Variants in FHIT observed in about 807,000 individuals in gnomAD.
FHIT encodes bis(5'-adenosyl)-triphosphatase.
FHIT carries 19 observed loss-of-function variants against 17.9 expected under a neutral mutation model. That is an observed-to-expected ratio of 1.06 (90% CI 0.74 to 1.56). FHIT has a LOEUF of 1.56. FHIT is among the 40% of genes most tolerant of loss of function. FHIT has a pLI of 0.00. For synonymous variants in FHIT, 81 were observed against 69.7 expected, an observed-to-expected ratio of 1.16 and a Z score of -0.81; for missense variants, 248 against 189.2, an observed-to-expected ratio of 1.31 and a Z score of -1.82.
At chr3:60,090,700 G>C (rs941592439) in intron 5 of FHIT, among the ~76,000 whole-genome samples, 2 of 152,174 alleles carry the variant, frequency 1.3e-5, no homozygotes, top group Admixed American at 6.5e-5. Flanking sequence ...ACTGACATGA[G>C]TGTCTTTGAT....
intron 8 of FHIT, among the ~76,000 whole-genome samples, chr3:59,866,227 A>C (rs1432857372): frequency 6.6e-6 from 1 of 151,920 alleles, no homozygotes; most frequent in African/African-American, 2.4e-5. Flanking sequence ...AATAAGCAGA[A>C]ACAGCAAGCC....
chr3:60,246,591 T>C (rs1167232471), intron 5 of FHIT, among the ~76,000 whole-genome samples: 1 of 152,118 alleles, frequency 6.6e-6, no homozygotes, highest in Non-Finnish European at 1.5e-5. Context: ...AGATCCGACC[T>C]GCAGAACAAA....
chr3:60,659,270 T>G (rs1553690463), intron 4 of FHIT, among the ~76,000 whole-genome samples: 2 of 152,080 alleles, frequency 1.3e-5, no homozygotes, highest in South Asian at 2.1e-4. Flanking sequence ...TTTGAGTTCA[T>G]CCTATTTGGA....
intron 5 of FHIT, among the ~76,000 whole-genome samples, chr3:60,267,144 T>G (rs947829221): frequency 6.6e-6 from 1 of 151,928 alleles, no homozygotes; most frequent in Non-Finnish European, 1.5e-5. Context: ...GCAAAATCAA[T>G]AGAAAGAGCT....
At chr3:60,009,163 TTATGTGTGTGTGTGTGTGTGTGTG>T (rs1439046087) in intron 7 of FHIT, among the ~76,000 whole-genome samples, 2,914 of 128,876 alleles carry the variant, frequency 0.023, 72 homozygotes, top group Non-Finnish European at 0.031. Context: ...CTCTGGGATT[TTATGTGTGTGTGTGTGTGTGTGTG>T]TGTGTGTGTG....
chr3:60,389,558 T>C (rs1408546937), intron 5 of FHIT, among the ~76,000 whole-genome samples: 1 of 152,328 alleles, frequency 6.6e-6, no homozygotes, highest in African/African-American at 2.4e-5. Context: ...TCAGAGAATG[T>C]CTGTTTCAGG....
intron 8 of FHIT, among the ~76,000 whole-genome samples, chr3:59,853,244 T>C (rs867376937): frequency 4.5e-4 from 68 of 152,312 alleles, no homozygotes; most frequent in African/African-American, 1.5e-3. Flanking sequence ...ATCTCACTGT[T>C]TGAACACTCA....
intron 2 of FHIT, among the ~76,000 whole-genome samples, chr3:61,181,239 A>C (rs1399896220): frequency 6.6e-6 from 1 of 152,210 alleles, no homozygotes; most frequent in Admixed American, 6.5e-5. Flanking sequence ...TGGCAATAAT[A>C]GTAACATTAT....
At chr3:60,173,946 A>T (rs1409442557) in intron 5 of FHIT, among the ~76,000 whole-genome samples, 1 of 89,412 alleles carries the variant, frequency 1.1e-5, no homozygotes, top group Non-Finnish European at 2.1e-5. Flanking sequence ...ATCGAGTCTC[A>T]CTCTGTCGCT....
At chr3:60,670,207 C>T (rs2040476534) in intron 4 of FHIT, among the ~76,000 whole-genome samples, 1 of 152,138 alleles carries the variant, frequency 6.6e-6, no homozygotes. Flanking sequence ...CTGGAATTAA[C>T]ATTAGCATAT....
chr3:61,106,197 C>T (rs1016886747), intron 2 of FHIT, among the ~76,000 whole-genome samples: 6 of 152,218 alleles, frequency 3.9e-5, no homozygotes, highest in East Asian at 1.9e-4. Context: ...AGAGCTATTA[C>T]AATTATTATT....
chr3:60,384,687 GAAAATCATTACAA>G (rs897171778), intron 5 of FHIT, among the ~76,000 whole-genome samples: 1 of 59,608 alleles, frequency 1.7e-5, no homozygotes, highest in African/African-American at 4.4e-5. Flanking sequence ...AATCACTACA[GAAAATCATTACAA>G]AATCTTAAAA....
rs869078939 is a variant in FHIT, at chr3:60,390,396, T to TAAAAAAAAAAAAA, written c.103+146451_103+146463dup. ...TGGTCCCTTAAGATTGTAATGGAGC[T>TAAAAAAAAAAAAA]AAAAAAAAAAAAAAAAAAAAAAAAA... On this transcript the variant is annotated intron_variant, in intron 5 of 9. Transcript: ENST00000492590. 2.8e-4 allele frequency among the ~76,000 whole-genome samples: 9 copies of TAAAAAAAAAAAAA among 32,030 alleles called. 2 individuals are homozygous for TAAAAAAAAAAAAA. The highest frequency in any genetic ancestry group is 1.7e-3 in the South Asian group (1 of 600). The allele number at this position is 32,030 out of a possible 152,430, so 21.0% of individuals were successfully genotyped here.
At chr3:61,063,642 T>G (rs2034506106) in intron 2 of FHIT, among the ~76,000 whole-genome samples, 1 of 151,964 alleles carries the variant, frequency 6.6e-6, no homozygotes, top group Admixed American at 6.6e-5. Flanking sequence ...CAAATGAATA[T>G]GGGGGCCAGG....
chr3:60,675,713 T>G (rs913859058), intron 4 of FHIT, among the ~76,000 whole-genome samples: 4 of 152,186 alleles, frequency 2.6e-5, no homozygotes. Context: ...ACCAACAGCA[T>G]GTTTTTTAAT....
chr3:60,563,498 C>T (rs1286739303), intron 4 of FHIT, among the ~76,000 whole-genome samples: 1 of 152,148 alleles, frequency 6.6e-6, no homozygotes, highest in Non-Finnish European at 1.5e-5. Context: ...GAAGGCATGC[C>T]AGAAGCCAAA....
At position 60,143,378 on chromosome 3, in the gene FHIT, A is replaced by G. The variant is rs755139193; in HGVS notation, c.104-129226T>C. 3.5e-4 allele frequency among the ~76,000 whole-genome samples: 53 copies of G among 152,110 alleles called. 3 individuals are homozygous for G. The highest frequency in any genetic ancestry group is 1.5e-5 in the Non-Finnish European group (1 of 68,008). On this transcript the variant is annotated intron_variant, in intron 5 of 9. Transcript: ENST00000492590. ...TCACTCAGTTCTCACCCTCTGCCTT[A>G]AAAGGTCTTAAGCATTTCTGCTTGC...
At chr3:59,885,143 C>T (rs1331464814) in intron 8 of FHIT, among the ~76,000 whole-genome samples, 1 of 152,160 alleles carries the variant, frequency 6.6e-6, no homozygotes, top group Admixed American at 6.5e-5. Flanking sequence ...AAAGAAAGCT[C>T]ATCAGTTTGC....
chr3:59,894,401 C>T (rs1004895777), intron 8 of FHIT, among the ~76,000 whole-genome samples: 2 of 152,160 alleles, frequency 1.3e-5, no homozygotes, highest in East Asian at 3.8e-4. Context: ...ACATAATTTA[C>T]ACTTCATAAA....
Sources: allele counts gnomAD v4.1 joint callset (sites outside exome capture counted in the v4.1 genomes callset), GRCh38; gene constraint gnomAD v4.1.1; transcripts MANE v1.5; gene names NCBI Gene and HGNC (gene_info 2026-07-23, HGNC 2026-07-21).